Variants in TRIB2 observed in about 807,000 individuals in gnomAD.
TRIB2 encodes the protein tribbles pseudokinase 2, also known as tribbles homolog 2.
Under a neutral mutation model 26.8 loss-of-function variants are expected in TRIB2, and 2 were observed. The observed-to-expected ratio is 0.07, with a 90% CI of 0.03 to 0.24. The LOEUF (loss-of-function observed/expected upper bound fraction) is 0.24. Ranked by LOEUF, TRIB2 falls within the 10% of genes least tolerant of loss-of-function variation. The probability of loss-of-function intolerance (pLI) is 1.00; values close to 1 mark genes in which losing one functional copy is unlikely to be tolerated. For synonymous variants in TRIB2, 189 were observed against 187.3 expected (o/e 1.01, Z -0.08); for missense variants, 306 against 449.0 (o/e 0.68, Z 2.88).
intron 2 of TRIB2, among the ~76,000 whole-genome samples, chr2:12,726,190 T>C (rs976421443): frequency 2.6e-5 from 4 of 152,258 alleles, no homozygotes; most frequent in Non-Finnish European, 5.9e-5. Context: ...AGCTGATTGA[T>C]AAAGAGCTTT....
chr2:12,721,756 G>A (rs955765041), intron 1 of TRIB2, among the ~76,000 whole-genome samples: 5 of 152,296 alleles, frequency 3.3e-5, no homozygotes, highest in African/African-American at 9.6e-5. Context: ...TGCTTCCTTG[G>A]CCGTGTTAGC....
At chr2:12,722,871 A>T (rs1661254047) in intron 1 of TRIB2, among the ~76,000 whole-genome samples, 1 of 152,144 alleles carries the variant, frequency 6.6e-6, no homozygotes, top group Non-Finnish European at 1.5e-5. Flanking sequence ...TGTTGATGTC[A>T]TTGAGGTGGA....
At chr2:12,722,666 T>C (rs905137549) in intron 1 of TRIB2, among the ~76,000 whole-genome samples, 2 of 150,438 alleles carry the variant, frequency 1.3e-5, no homozygotes, top group Non-Finnish European at 3.0e-5. Flanking sequence ...TTCTATCATA[T>C]TCCTACCTCT....
Position 12,717,272 on chromosome 2 carries a change from C to T in TRIB2, c.-1036C>T, listed in dbSNP as rs769886384. 34 of 397,942 alleles carry T rather than the reference C, an allele frequency of 8.5e-5. No individual in the cohort carries two copies. The highest frequency in any genetic ancestry group is 1.5e-4 in the Non-Finnish European group (33 of 225,780). The allele number at this position is 397,942 out of a possible 1,614,324, so 24.7% of individuals were successfully genotyped here. ...TCCAGGACGAGATCCAGTTCTCCAG[C>T]GGGAAAGGGGCAAAGGAACGCCGCG... On this transcript the variant is annotated 5_prime_UTR_variant, in exon 1 of 3. Coordinates refer to ENST00000155926, the MANE Select transcript of TRIB2 (RefSeq NM_021643.4). This position sits in a 1 kb window ranked among gnomAD's most constrained non-coding sequence, Gnocchi z 4.8.
intron 2 of TRIB2, among the ~76,000 whole-genome samples, chr2:12,738,739 T>C (rs1661641840): frequency 6.6e-6 from 1 of 152,146 alleles, no homozygotes; most frequent in African/African-American, 2.4e-5. Flanking sequence ...CTTGGGGCGC[T>C]GGGTGGAGGA....
At chr2:12,733,146 T>G (rs1661492526) in intron 2 of TRIB2, among the ~76,000 whole-genome samples, 1 of 152,222 alleles carries the variant, frequency 6.6e-6, no homozygotes, top group Non-Finnish European at 1.5e-5. Flanking sequence ...AAACCGGGGT[T>G]TGAATCCCAG....
chr2:12,719,575 TG>T (rs1440840024), intron 1 of TRIB2, among the ~76,000 whole-genome samples: 67 of 84,072 alleles, frequency 8.0e-4, no homozygotes, highest in Non-Finnish European at 1.2e-3. Flanking sequence ...ATTTGCTGAC[TG>T]TTTTTTTTTT....
At chr2:12,737,204 C>G (rs1475141541) in intron 2 of TRIB2, among the ~76,000 whole-genome samples, 1 of 152,238 alleles carries the variant, frequency 6.6e-6, no homozygotes, top group Non-Finnish European at 1.5e-5. Context: ...AACCTGGGCC[C>G]TTTGATACCA....
Position 12,742,187 on chromosome 2 carries a change from T to C in TRIB2, c.*1393T>C, listed in dbSNP as rs1661723646. Reference sequence around the variant, plus strand: ...GGCAAAATGTTTTTTATTACGGCTTTTCTATTGCTGTATGATACAGAACTC... The same window carrying C: ...GGCAAAATGTTTTTTATTACGGCTTCTCTATTGCTGTATGATACAGAACTC... On this transcript the variant is annotated 3_prime_UTR_variant, in exon 3 of 3. Coordinates refer to ENST00000155926, the MANE Select transcript of TRIB2 (RefSeq NM_021643.4). 1 of 152,680 alleles carries C rather than the reference T, an allele frequency of 6.5e-6. No homozygotes were observed. The highest frequency in any genetic ancestry group is 1.5e-5 in the Non-Finnish European group (1 of 68,056). The allele number at this position is 152,680 out of a possible 1,614,324, so 9.5% of individuals were successfully genotyped here.
At chr2:12,726,209 T>C (rs910817626) in intron 2 of TRIB2, among the ~76,000 whole-genome samples, 4 of 152,260 alleles carry the variant, frequency 2.6e-5, no homozygotes, top group Non-Finnish European at 4.4e-5. Context: ...TTTTTGTTTT[T>C]CTAAAATCCA....
chr2:12,722,188 A>G (rs1291621400), intron 1 of TRIB2, among the ~76,000 whole-genome samples: 1 of 152,244 alleles, frequency 6.6e-6, no homozygotes, highest in East Asian at 1.9e-4. Context: ...GATGAAAGAA[A>G]GTATGTCTAA....
rs898146141 is a variant in TRIB2, at chr2:12,717,661, C to T, written c.-647C>T. 2.5e-6 allele frequency: 1 copy of T among 394,468 alleles called. No individual in the cohort carries two copies. The highest frequency in any genetic ancestry group is 2.1e-5 in the African/African-American group (1 of 48,532). 24.4% of individuals were successfully genotyped at this position (394,468 alleles called of 1,614,324 possible). On this transcript the variant is annotated 5_prime_UTR_variant, in exon 1 of 3. Transcript: ENST00000155926. This position sits in a 1 kb window ranked among gnomAD's most constrained non-coding sequence, Gnocchi z 4.8. ...GGAGAGCTCGCGATCTTGGAAAAGC[C>T]TCAGACGCCATCTACAGTTAAAACG...
chr2:12,718,451 G>T lies in TRIB2; in HGVS notation c.144G>T (p.Pro48=), dbSNP rs200687298. ...GCCCGAACCTCGGCTCCCCGAGCCCGCCCGAGACTCCGAACTTGTCGCATT... is the reference window on the plus strand; with the variant it reads ...GCCCGAACCTCGGCTCCCCGAGCCCTCCCGAGACTCCGAACTTGTCGCATT... ...SFSPNLGSPS[P]PETPNLSHCV... Residue 48 remains proline, a synonymous_variant, in exon 1 of 3, where the codon CCG becomes CCT. Transcript: ENST00000155926. The surrounding 1 kb of genome is among the most constrained non-coding windows in gnomAD (Gnocchi z 4.0). 2.3e-5 allele frequency: 37 copies of T among 1,614,232 alleles called. 1 individual carries two copies. The East Asian group carries it at 3.6e-4, about 16-fold the overall frequency.
chr2:12,718,013 A>C lies in TRIB2; in HGVS notation c.-295A>C, dbSNP rs1049160932. ...CCAGATCCACGCCGGGGACACACAC[A>C]CAGAGTAACTAAAAGTGCGGCGATT... On this transcript the variant is annotated 5_prime_UTR_variant, in exon 1 of 3. Transcript: ENST00000155926. This position sits in a 1 kb window ranked among gnomAD's most constrained non-coding sequence, Gnocchi z 4.0. 7.0e-6 allele frequency: 3 copies of C among 429,702 alleles called. No individual in the cohort carries two copies. The highest frequency in any genetic ancestry group is 1.3e-5 in the Non-Finnish European group (3 of 239,422). The allele number at this position is 429,702 out of a possible 1,614,324, so 26.6% of individuals were successfully genotyped here. A position where few individuals can be genotyped will look rare whatever the true frequency, so the allele number is the denominator to read the frequency against.
intron 2 of TRIB2, among the ~76,000 whole-genome samples, chr2:12,734,895 G>A (rs1271504263): frequency 1.3e-5 from 2 of 152,170 alleles, no homozygotes; most frequent in South Asian, 2.1e-4. Flanking sequence ...TTGCAAGACT[G>A]TTCATTCATT....
At position 12,717,129 on chromosome 2, in the gene TRIB2, T is replaced by G. The variant is rs1666608347; in HGVS notation, c.-1179T>G. ...TAAATACACGGTCCCCTCTTTTCTC[T>G]GGGGGGGGCAAGCAAGAAATCAAAG... On this transcript the variant is annotated 5_prime_UTR_variant, in exon 1 of 3. Transcript: ENST00000155926. This position sits in a 1 kb window ranked among gnomAD's most constrained non-coding sequence, Gnocchi z 4.8. The G allele has an allele frequency of 5.5e-6, 2 of 364,520 alleles. No individual in the cohort carries two copies. 22.6% of individuals were successfully genotyped at this position (364,520 alleles called of 1,614,324 possible). A position where few individuals can be genotyped will look rare whatever the true frequency, so the allele number is the denominator to read the frequency against.
intron 2 of TRIB2, among the ~76,000 whole-genome samples, chr2:12,728,048 G>A (rs1558316960): frequency 6.6e-6 from 1 of 152,196 alleles, no homozygotes; most frequent in Non-Finnish European, 1.5e-5. Context: ...CTTGGGAGAA[G>A]TCCTGTTACT....
intron 1 of TRIB2, among the ~76,000 whole-genome samples, chr2:12,722,253 G>A (rs1281035410): frequency 1.3e-5 from 2 of 152,214 alleles, no homozygotes; most frequent in African/African-American, 2.4e-5. Context: ...AGCATGCAGT[G>A]TATTGTTAGG....
At chr2:12,720,334 A>G (rs1661178107) in intron 1 of TRIB2, among the ~76,000 whole-genome samples, 1 of 152,218 alleles carries the variant, frequency 6.6e-6, no homozygotes, top group Non-Finnish European at 1.5e-5. Context: ...TCAGCCCCTC[A>G]CCAATTACAG....
Sources: allele counts gnomAD v4.1 joint callset (sites outside exome capture counted in the v4.1 genomes callset), GRCh38; gene constraint gnomAD v4.1.1; non-coding constraint Gnocchi (gnomAD v3.1); transcripts MANE v1.5; gene names NCBI Gene and HGNC (gene_info 2026-07-23, HGNC 2026-07-21).